Variants in APP observed in about 807,000 individuals in gnomAD.
APP encodes amyloid-beta precursor protein.
APP carries 31 observed loss-of-function variants against 101.4 expected under a neutral mutation model. The ratio of observed to expected loss-of-function variants is 0.31; its 90% CI spans 0.23 to 0.41. The LOEUF (loss-of-function observed/expected upper bound fraction) is 0.41, where lower values mean the gene tolerates loss of function less well. Among genes scored for constraint, APP ranks in the 10% least tolerant of loss-of-function variants. APP has a pLI of 1.00. For synonymous variants in APP, 366 were observed against 364.4 expected (o/e 1.00, Z -0.05); for missense variants, 839 against 1,003.7 (o/e 0.84, Z 2.22).
chr21:26,078,053 C>G (rs144671236), intron 3 of APP, among the ~76,000 whole-genome samples: 1 of 152,194 alleles, frequency 6.6e-6, no homozygotes, highest in African/African-American at 2.4e-5. Flanking sequence ...TATGTCGTTT[C>G]TTATATCCAT....
intron 1 of APP, among the ~76,000 whole-genome samples, chr21:26,160,415 A>C (rs1009280090): frequency 1.3e-5 from 2 of 152,228 alleles, no homozygotes; most frequent in Non-Finnish European, 2.9e-5. Flanking sequence ...AGGATTTAAC[A>C]CTTGACACAA....
At chr21:26,155,753 T>C (rs916067589) in intron 1 of APP, among the ~76,000 whole-genome samples, 1 of 152,160 alleles carries the variant, frequency 6.6e-6, no homozygotes, top group South Asian at 2.1e-4. Context: ...CCCAGCACTT[T>C]GGGAGGCCGA....
intron 12 of APP, among the ~76,000 whole-genome samples, chr21:25,955,124 G>T (rs1446208967): frequency 6.6e-6 from 1 of 151,830 alleles, no homozygotes; most frequent in Non-Finnish European, 1.5e-5. Flanking sequence ...AATTTGATTG[G>T]CTATTTCATG....
intron 13 of APP, among the ~76,000 whole-genome samples, chr21:25,913,169 T>C (rs1048083754): frequency 1.3e-5 from 2 of 152,220 alleles, no homozygotes; most frequent in African/African-American, 4.8e-5. Flanking sequence ...AAAATGTATC[T>C]GAAAAATTAA....
At chr21:26,078,305 A>G in intron 3 of APP, among the ~76,000 whole-genome samples, 1 of 152,234 alleles carries the variant, frequency 6.6e-6, no homozygotes, top group East Asian at 1.9e-4. Context: ...CTAATTCACA[A>G]TAGTAAACTG....
At chr21:26,039,543 C>A (rs2045279710) in intron 5 of APP, among the ~76,000 whole-genome samples, 1 of 152,112 alleles carries the variant, frequency 6.6e-6, no homozygotes, top group Admixed American at 6.5e-5. Flanking sequence ...TTTTGAATAC[C>A]CTTGGCAAAT....
At chr21:25,928,012 T>C (rs2146381023) in intron 13 of APP, among the ~76,000 whole-genome samples, 1 of 152,264 alleles carries the variant, frequency 6.6e-6, no homozygotes. Context: ...GGAGTCTTGG[T>C]CCTGCCTGGG....
intron 11 of APP, among the ~76,000 whole-genome samples, chr21:25,969,833 T>TGAAAAGAAAAGAAAAGAAAAGAAAA (rs200205249): frequency 4.3e-5 from 5 of 117,414 alleles, no homozygotes; most frequent in African/African-American, 1.3e-4. Context: ...AGCAAGACCC[T>TGAAAAGAAAAGAAAAGAAAAGAAAA]GAAAAGAAAA....
At chr21:25,908,977 A>T (rs1046776607) in intron 14 of APP, among the ~76,000 whole-genome samples, 1 of 151,958 alleles carries the variant, frequency 6.6e-6, no homozygotes. Flanking sequence ...TTAAAAACCA[A>T]TTGGGGCCGG....
intron 9 of APP, among the ~76,000 whole-genome samples, chr21:25,977,529 G>T (rs936487309): frequency 1.3e-5 from 2 of 152,162 alleles, no homozygotes; most frequent in African/African-American, 4.8e-5. Context: ...ATAGATAGAA[G>T]ACTTCTATGA....
chr21:25,885,690 G>A (rs943612704), intron 17 of APP, among the ~76,000 whole-genome samples: 1 of 152,110 alleles, frequency 6.6e-6, no homozygotes, highest in Non-Finnish European at 1.5e-5. Context: ...TATGACACAC[G>A]CTGAAAAGAG....
rs200601478 is a variant in APP at position 25,975,094 on chromosome 21, G to C, written c.1434C>G (p.Thr478=). The change falls in exon 11 of 18, where the codon ACC becomes ACG. Residue 478 remains threonine (T), a synonymous_variant. Transcript: ENST00000346798. ...CCCGAGGAGGAACAGCCTGCAGAGC[G>C]GTGATGTAGTTCTCCAGGGCCAGGC... ...RRRLALENYI[T]ALQAVPPRPR... 2 of 1,614,100 alleles carry C rather than the reference G, an allele frequency of 1.2e-6. No homozygotes were observed. Among genetic ancestry groups the C allele is most frequent in the African/African-American group, 1.3e-5 (1 of 75,008 alleles).
chr21:26,131,298 T>C (rs2062790382), intron 1 of APP, among the ~76,000 whole-genome samples: 1 of 152,048 alleles, frequency 6.6e-6, no homozygotes, highest in Non-Finnish European at 1.5e-5. Context: ...GTCAATGAAG[T>C]AGTGAAAAGG....
intron 1 of APP, among the ~76,000 whole-genome samples, chr21:26,152,047 C>CG (rs2063282640): frequency 6.6e-6 from 1 of 151,888 alleles, no homozygotes; most frequent in African/African-American, 2.4e-5. Flanking sequence ...GAGGCCGAGG[C>CG]GGGGGGATCA....
In APP at chr21:26,055,812, TA is replaced by T. The variant is rs2046018044; in HGVS notation, c.356-2465del. ...AAATCTAATGCTGGCCCAAAGCTAC[TA>T]AATCAGTTCGTGAGAAGAGCCAGAG... On this transcript the variant is annotated intron_variant, in intron 3 of 17. Coordinates refer to ENST00000346798, the MANE Select transcript of APP (RefSeq NM_000484.4). Among the ~76,000 whole-genome samples the T allele has an allele frequency of 3.3e-5, 5 of 152,322 alleles. No homozygotes were observed. In the South Asian group the frequency reaches 1.0e-3, roughly 32 times the overall value.
chr21:25,990,385 T>A (rs2040277), intron 8 of APP, among the ~76,000 whole-genome samples: 46,048 of 152,086 alleles, frequency 0.3, 7,774 homozygotes, highest in African/African-American at 0.45. Flanking sequence ...ATTCAGCACA[T>A]CACACTAAAA....
intron 1 of APP, among the ~76,000 whole-genome samples, chr21:26,121,621 C>T (rs1166272849): frequency 6.6e-6 from 1 of 152,052 alleles, no homozygotes; most frequent in Non-Finnish European, 1.5e-5. Context: ...CTCCTGACCT[C>T]GTGAGCCACC....
chr21:26,118,064 A>C (rs45542834), intron 1 of APP, among the ~76,000 whole-genome samples: 124 of 152,280 alleles, frequency 8.1e-4, no homozygotes, highest in African/African-American at 2.9e-3. Flanking sequence ...ACCTAATACC[A>C]AGCTTTTTTA....
intron 1 of APP, chr21:26,158,129 A>C (rs1266809725): frequency 6.6e-6 from 1 of 152,232 alleles, no homozygotes; most frequent in Non-Finnish European, 1.5e-5. Context: ...AGTCTGAACC[A>C]TCTAGAGTTC....
Sources: gnomAD v4.1 joint callset for allele counts (sites outside exome capture counted in the v4.1 genomes callset) on GRCh38, gnomAD v4.1.1 for gene constraint, MANE v1.5 for transcripts, NCBI Gene and HGNC (gene_info 2026-07-23, HGNC 2026-07-21) for gene names.